The following UBAC2 variants were observed in gnomAD, a reference collection of about 807,000 sequenced individuals.
UBAC2 encodes the protein ubiquitin-associated domain-containing protein 2.
Under a neutral mutation model 44.0 loss-of-function variants are expected in UBAC2, and 26 were observed. That is an observed-to-expected ratio of 0.59 (90% confidence interval 0.43 to 0.82). The LOEUF (loss-of-function observed/expected upper bound fraction) is 0.82, where lower values mean the gene tolerates loss of function less well. Ranked by LOEUF, UBAC2 falls within the 40% of genes least tolerant of loss-of-function variation. UBAC2 has a pLI of 0.00. For missense variants in UBAC2, 329 were observed against 419.4 expected (o/e 0.78, Z 1.88); for synonymous variants, 155 against 154.3 (o/e 1.00, Z -0.04).
chr13:99,206,447 C>T (rs973509793), intron 1 of UBAC2, among the ~76,000 whole-genome samples: 3 of 152,224 alleles, frequency 2.0e-5, no homozygotes, highest in African/African-American at 7.2e-5. Flanking sequence ...CACGGAATCA[C>T]GCGTCCCGCA....
rs1262714638 is a variant in UBAC2 at position 99,298,912 on chromosome 13, G to T, written c.390-15185G>T. Among the ~76,000 whole-genome samples the T allele has an allele frequency of 5.3e-5, 8 of 152,186 alleles. 1 individual carries two copies. The highest frequency in any genetic ancestry group is 1.9e-4 in the African/African-American group (8 of 41,538). On this transcript the variant is annotated intron_variant, in intron 4 of 8. Transcript: ENST00000403766. ...ATATTTTTCTAAGTTCTTTGAAAAT[G>T]TATTTTTTTCTAAGTTCTTTGAAAA... is the stretch of plus-strand genomic sequence containing the variant.
chr13:99,277,562 T>C (rs564057116), intron 4 of UBAC2, among the ~76,000 whole-genome samples: 9 of 152,160 alleles, frequency 5.9e-5, no homozygotes, highest in African/African-American at 2.2e-4. Flanking sequence ...AAAGGCAATA[T>C]TGGTTTTTAA....
chr13:99,314,260 AT>A, intron 5 of UBAC2, 40 bp downstream of exon 5: 1 of 1,245,020 alleles, frequency 8.0e-7, no homozygotes, highest in Non-Finnish European at 1.0e-6. Context: ...CTTTAACCAG[AT>A]CTTTTTTTTT....
At chr13:99,331,541 A>G (rs768277086) in intron 6 of UBAC2, among the ~76,000 whole-genome samples, 2 of 152,260 alleles carry the variant, frequency 1.3e-5, no homozygotes, top group Non-Finnish European at 2.9e-5. Context: ...CTTTTAATTT[A>G]GTATCATTTC....
At chr13:99,327,849 T>A (rs186274461) in intron 6 of UBAC2, among the ~76,000 whole-genome samples, 24 of 152,336 alleles carry the variant, frequency 1.6e-4, no homozygotes, top group African/African-American at 5.8e-4. Context: ...CTTTTTTTGT[T>A]TATTAAGATG....
chr13:99,296,204 T>C (rs2044170740), intron 4 of UBAC2: 5 of 1,478,886 alleles, frequency 3.4e-6, no homozygotes, highest in Admixed American at 2.4e-5. Context: ...TAAAAGCATA[T>C]GTATTCAGTT....
intron 4 of UBAC2, among the ~76,000 whole-genome samples, chr13:99,244,886 G>A (rs1263209552): frequency 6.6e-6 from 1 of 151,300 alleles, no homozygotes; most frequent in Non-Finnish European, 1.5e-5. Flanking sequence ...AGGCTGGAGT[G>A]CATTGGCACG....
chr13:99,202,777 C>T (rs1357231980), intron 1 of UBAC2, among the ~76,000 whole-genome samples: 1 of 152,082 alleles, frequency 6.6e-6, no homozygotes, highest in African/African-American at 2.4e-5. Context: ...TTGGGATGGC[C>T]GTTCCTCAGA....
chr13:99,354,396 C>G (rs2045144592), intron 7 of UBAC2, among the ~76,000 whole-genome samples: 1 of 152,238 alleles, frequency 6.6e-6, no homozygotes, highest in South Asian at 2.1e-4. Flanking sequence ...CAGCTCATAA[C>G]TAGCTTAAGG....
At chr13:99,304,027 G>A (rs1273170520) in intron 4 of UBAC2, among the ~76,000 whole-genome samples, 2 of 152,102 alleles carry the variant, frequency 1.3e-5, no homozygotes, top group Non-Finnish European at 2.9e-5. Context: ...CGCAGCCACG[G>A]CAGCAGCTTC....
Position 99,385,738 on chromosome 13 carries a change from G to T in UBAC2, c.*403G>T. 1 of 179,148 alleles carries T rather than the reference G, an allele frequency of 5.6e-6. No homozygotes were observed. Among genetic ancestry groups the T allele is most frequent in the East Asian group, 1.4e-4 (1 of 7,268 alleles). The allele number at this position is 179,148 out of a possible 1,614,324, so 11.1% of individuals were successfully genotyped here. ...GAGAGGGTAATGTTACTTCACAAAG[G>T]ACATGTCAGATCCTTCTTCATGGAC... is the stretch of plus-strand genomic sequence containing the variant. On this transcript the variant is annotated 3_prime_UTR_variant, in exon 9 of 9. Coordinates refer to ENST00000403766, the MANE Select transcript of UBAC2 (RefSeq NM_001144072.2).
chr13:99,293,897 T>G (rs2044128402), intron 4 of UBAC2, among the ~76,000 whole-genome samples: 1 of 152,136 alleles, frequency 6.6e-6, no homozygotes. Flanking sequence ...AACTCAGAAT[T>G]AACATTTTCT....
intron 1 of UBAC2, among the ~76,000 whole-genome samples, chr13:99,212,609 T>A (rs1437450482): frequency 6.6e-6 from 1 of 152,182 alleles, no homozygotes; most frequent in Non-Finnish European, 1.5e-5. Context: ...AACAGAGAAA[T>A]CTGTTTGACT....
At chr13:99,323,021 A>G (rs780343450) in intron 6 of UBAC2, among the ~76,000 whole-genome samples, 11 of 152,138 alleles carry the variant, frequency 7.2e-5, no homozygotes, top group Non-Finnish European at 1.2e-4. Flanking sequence ...AAGCATAAGC[A>G]TCTTTAGAGT....
chr13:99,262,443 C>T (rs1452752363), intron 4 of UBAC2, among the ~76,000 whole-genome samples: 1 of 152,128 alleles, frequency 6.6e-6, no homozygotes, highest in African/African-American at 2.4e-5. Flanking sequence ...TGGCTCATGC[C>T]TGTAATCCCA....
intron 4 of UBAC2, among the ~76,000 whole-genome samples, chr13:99,272,818 G>T (rs141383378): frequency 8.5e-5 from 13 of 152,210 alleles, no homozygotes; most frequent in African/African-American, 3.1e-4. Context: ...TGAATTTAGG[G>T]GTGGGGGGAG....
At chr13:99,368,858 CGGT>C (rs2045369257) in intron 8 of UBAC2, among the ~76,000 whole-genome samples, 1 of 152,072 alleles carries the variant, frequency 6.6e-6, no homozygotes, top group African/African-American at 2.4e-5. Context: ...TTTAGGAAAA[CGGT>C]GGATTCCAGG....
chr13:99,250,833 G>A lies in UBAC2; in HGVS notation c.389+6209G>A, dbSNP rs181731414. On this transcript the variant is annotated intron_variant, in intron 4 of 8. Coordinates refer to ENST00000403766, the MANE Select transcript of UBAC2 (RefSeq NM_001144072.2). ...GTGATCTTGGCTCACTGCAGCCTCC[G>A]CCTCCCAGGTTCAAGCAATTCTCCT... Among the ~76,000 whole-genome samples, 54 of 151,848 alleles carry A rather than the reference G, an allele frequency of 3.6e-4. 2 individuals are homozygous for A. In the East Asian group the frequency reaches 9.3e-3, roughly 26 times the overall value.
rs141847876 is a variant in UBAC2, at chr13:99,349,004, G to A, written c.807+8439G>A. Among the ~76,000 whole-genome samples the A allele has an allele frequency of 2.1e-3, 321 of 152,326 alleles. 4 individuals carry two copies. The East Asian group carries it at 0.025, about 12-fold the overall frequency. ...AGAAAAGGTGACACTAGAGGAAGAA[G>A]ACCAGGTGGGAGACAGTGAAAATTC... On this transcript the variant is annotated intron_variant, in intron 7 of 8. Coordinates refer to ENST00000403766, the MANE Select transcript of UBAC2 (RefSeq NM_001144072.2).
Sources: allele counts gnomAD v4.1 joint callset (sites outside exome capture counted in the v4.1 genomes callset), GRCh38; gene constraint gnomAD v4.1.1; transcripts MANE v1.5; gene names NCBI Gene and HGNC (gene_info 2026-07-23, HGNC 2026-07-21).